CFAP54: variants seen among roughly 807,000 people sequenced by gnomAD.
The protein encoded by CFAP54 is cilia- and flagella-associated protein 54.
In CFAP54, 290 loss-of-function variants were observed where a neutral mutation model predicts 370.4. That is an observed-to-expected ratio of 0.78 (90% CI 0.71 to 0.86). The LOEUF (loss-of-function observed/expected upper bound fraction) is 0.86. CFAP54 is among the 40% of genes least tolerant of loss of function. The pLI is 0.00. For missense variants in CFAP54, 3,399 were observed against 3,528.7 expected (o/e 0.96, Z 0.93); for synonymous variants, 1,206 against 1,236.5 (o/e 0.98, Z 0.52).
At chr12:96,537,811 G>A (rs2136384649) in intron 12 of CFAP54, among the ~76,000 whole-genome samples, 1 of 151,946 alleles carries the variant, frequency 6.6e-6, no homozygotes, top group Non-Finnish European at 1.5e-5. Context: ...GATCTAGGTG[G>A]GTCACGGTGG....
Position 96,625,811 on chromosome 12 carries a change from G to T in CFAP54, c.3976+4G>T. ...GTCAAAGGTGCCGTGAAAGAAGGTA[G>T]GTGAACTGGATGTGTATATGCTGTT... is the stretch of plus-strand genomic sequence containing the variant. On this transcript the variant is annotated splice_donor_region_variant and intron_variant, in intron 29 of 67. Coordinates refer to ENST00000524981, the MANE Select transcript of CFAP54 (RefSeq NM_001306084.2). 1 of 1,529,036 alleles carries T rather than the reference G, an allele frequency of 6.5e-7. No individual in the cohort carries two copies. The highest frequency in any genetic ancestry group is 8.8e-7 in the Non-Finnish European group (1 of 1,140,626). 94.7% of individuals were successfully genotyped at this position (1,529,036 alleles called of 1,614,324 possible).
intron 61 of CFAP54, 74 bp downstream of exon 61, chr12:96,784,964 A>C: frequency 8.5e-7 from 1 of 1,179,992 alleles, no homozygotes; most frequent in Non-Finnish European, 1.1e-6. Flanking sequence ...CTTGTTGAGA[A>C]TTATAAGATA....
chr12:96,657,770 C>G, intron 36 of CFAP54, 112 bp from the exon 37 acceptor site: 1 of 786,008 alleles, frequency 1.3e-6, no homozygotes, highest in Non-Finnish European at 2.1e-6. Flanking sequence ...AATATTTTTT[C>G]TTTTCAGTTG....
At chr12:96,507,245 A>G (rs1955113053) in intron 4 of CFAP54, 146 bp downstream of exon 4, 6 of 679,980 alleles carry the variant, frequency 8.8e-6, no homozygotes, top group East Asian at 6.5e-5. Context: ...TTCGTGTGAC[A>G]TGTTTGTCCT....
At position 96,521,940 on chromosome 12, in the gene CFAP54, G is replaced by T. The variant is rs17025491; in HGVS notation, c.1026G>T (p.Ser342=). ...GTTCCTCAAAATCCCAGGAAGAATC[G>T]CGAAGATATTTTCGAGAGGCCACAA... is the stretch of plus-strand genomic sequence containing the variant. ...LMSSSKSQEE[S]RRYFREATMK... The change falls in exon 7 of 68, where the codon TCG becomes TCT. Residue 342 remains serine, a synonymous_variant. Coordinates refer to ENST00000524981, the MANE Select transcript of CFAP54 (RefSeq NM_001306084.2). 6.5e-7 allele frequency: 1 copy of T among 1,534,744 alleles called. No homozygotes were observed.
At chr12:96,572,056 A>G (rs1406193082) in intron 19 of CFAP54, among the ~76,000 whole-genome samples, 3 of 152,222 alleles carry the variant, frequency 2.0e-5, no homozygotes, top group African/African-American at 7.2e-5. Flanking sequence ...AGCCAATCAG[A>G]ACATTTTAAA....
At chr12:96,559,438 TTCCC>T (rs1485083131) in intron 17 of CFAP54, among the ~76,000 whole-genome samples, 1 of 152,124 alleles carries the variant, frequency 6.6e-6, no homozygotes, top group Non-Finnish European at 1.5e-5. Context: ...TGGTAAACTG[TTCCC>T]TCCAACTTTT....
rs759566975 is a variant in CFAP54 at position 96,604,271 on chromosome 12, C to T, written c.3639+5504C>T. Among the ~76,000 whole-genome samples, 34 of 152,220 alleles carry T rather than the reference C, an allele frequency of 2.2e-4. 1 individual carries two copies. The highest frequency in any genetic ancestry group is 4.7e-4 in the Non-Finnish European group (32 of 68,036). On this transcript the variant is annotated intron_variant, in intron 26 of 67. Transcript: ENST00000524981. ...CTCCAGACCCTGTTTGCCTGGGCAT[C>T]ACCAGTGGAGGCCACAGAACAGCAA...
intron 27 of CFAP54, 97 bp from the exon 28 acceptor site, chr12:96,623,670 G>A (rs1956524088): frequency 1.6e-6 from 1 of 631,860 alleles, no homozygotes; most frequent in Non-Finnish European, 2.8e-6. Flanking sequence ...TCTACCAAGT[G>A]TGAAAGTATG....
chr12:96,602,742 G>T (rs1956256999), intron 26 of CFAP54, among the ~76,000 whole-genome samples: 1 of 151,984 alleles, frequency 6.6e-6, no homozygotes, highest in Non-Finnish European at 1.5e-5. Flanking sequence ...ATCTTTGTTG[G>T]TTTAAAGTCA....
intron 35 of CFAP54, 22 bp downstream of exon 35, chr12:96,650,094 G>A: frequency 6.3e-7 from 1 of 1,590,938 alleles, no homozygotes; most frequent in Non-Finnish European, 8.6e-7. Flanking sequence ...TTTCTTGTTT[G>A]CAGTGTAGTA....
intron 38 of CFAP54, among the ~76,000 whole-genome samples, chr12:96,662,318 C>T (rs764124923): frequency 6.6e-6 from 1 of 152,146 alleles, no homozygotes; most frequent in South Asian, 2.1e-4. Flanking sequence ...GATTTTCATG[C>T]CTCAGCTTCC....
intron 33 of CFAP54, chr12:96,645,929 C>T (rs531050427): frequency 1.3e-5 from 2 of 152,304 alleles, no homozygotes; most frequent in African/African-American, 2.4e-5. Context: ...CCCTTCCTTA[C>T]ACCTTATACA....
intron 26 of CFAP54, among the ~76,000 whole-genome samples, chr12:96,615,669 A>G (rs1264307594): frequency 4.6e-5 from 7 of 152,246 alleles, no homozygotes; most frequent in Non-Finnish European, 7.3e-5. Context: ...TTTACAAGAA[A>G]AAAATAAACA....
intron 50 of CFAP54, among the ~76,000 whole-genome samples, chr12:96,727,096 C>G (rs1190220816): frequency 2.0e-5 from 3 of 151,808 alleles, no homozygotes; most frequent in Admixed American, 1.3e-4. Context: ...TTACTTCCAA[C>G]TATGTGGTCA....
Position 96,663,909 on chromosome 12 carries a change from T to A in CFAP54, c.5540T>A (p.Leu1847Ter). Reference protein sequence around the residue: ...TIEATSNCTDLLKMLISSEYS... With the variant: ...TIEATSNCTD Reference sequence around the variant, plus strand: ...GAAGCAACAAGCAACTGCACAGATTTGCTAAAAATGCTTATCTCTTCAGGT... The same window carrying A: ...GAAGCAACAAGCAACTGCACAGATTAGCTAAAAATGCTTATCTCTTCAGGT... The change falls in exon 39 of 68, where the codon TTG becomes TAG. Residue 1847 changes from leucine to a stop codon, truncating the protein, a stop_gained. Transcript: ENST00000524981. LOFTEE classifies it high-confidence loss of function. 6.2e-7 allele frequency: 1 copy of A among 1,612,580 alleles called. No homozygotes were observed. Among genetic ancestry groups the A allele is most frequent in the Non-Finnish European group, 8.5e-7 (1 of 1,179,076 alleles).
At chr12:96,672,676 C>T (rs1375618019) in intron 39 of CFAP54, among the ~76,000 whole-genome samples, 8 of 152,094 alleles carry the variant, frequency 5.3e-5, no homozygotes, top group Admixed American at 5.2e-4. Context: ...TACAGTTCTT[C>T]CTGGGTGTGT....
chr12:96,516,102 A>G (rs1955231543), intron 5 of CFAP54, among the ~76,000 whole-genome samples: 1 of 151,860 alleles, frequency 6.6e-6, no homozygotes, highest in African/African-American at 2.4e-5. Flanking sequence ...TTTTTAGTAG[A>G]GACAGGGTTT....
chr12:96,690,856 C>T lies in CFAP54; in HGVS notation c.6082-272C>T, dbSNP rs1460624932. Among the ~76,000 whole-genome samples the T allele has an allele frequency of 3.3e-5, 5 of 151,888 alleles. No homozygotes were observed. In the East Asian group the frequency reaches 7.7e-4, roughly 24 times the overall value. ...CAGCAGTGCTTAACATATGATTGAC[C>T]CTCAACAAAACATAATTTAATATAA... On this transcript the variant is annotated intron_variant, in intron 43 of 67. Coordinates refer to ENST00000524981, the MANE Select transcript of CFAP54 (RefSeq NM_001306084.2).
Sources: gnomAD v4.1 joint callset for allele counts (sites outside exome capture counted in the v4.1 genomes callset) on GRCh38, gnomAD v4.1.1 for gene constraint, MANE v1.5 for transcripts, NCBI Gene and HGNC (gene_info 2026-07-23, HGNC 2026-07-21) for gene names.